Variants in DUOXA1 observed in about 807,000 individuals in gnomAD.
DUOXA1 encodes dual oxidase activator 1.
A neutral mutation model predicts 26.6 loss-of-function variants in DUOXA1; 19 were observed. The observed-to-expected ratio is 0.71, with a 90% CI of 0.50 to 1.05. DUOXA1 has a LOEUF of 1.05. Ranked by LOEUF, DUOXA1 falls within the 50% of genes least tolerant of loss-of-function variation. The pLI, the probability that DUOXA1 is intolerant of heterozygous loss-of-function variation, is 0.00. For missense variants in DUOXA1, 403 were observed against 427.5 expected, an observed-to-expected ratio of 0.94 and a Z score of 0.51; for synonymous variants, 166 against 177.0, an observed-to-expected ratio of 0.94 and a Z score of 0.49.
rs1006196356 is a variant in DUOXA1, at chr15:45,119,873, TGACAGA to T, written c.772+224_772+229del. 5.6e-5 allele frequency among the ~76,000 whole-genome samples: 8 copies of T among 141,832 alleles called. No homozygotes were observed. The East Asian group carries it at 1.0e-3, about 18-fold the overall frequency. 93.0% of individuals were successfully genotyped at this position (141,832 alleles called of 152,430 possible). A position where few individuals can be genotyped will look rare whatever the true frequency, so the allele number is the denominator to read the frequency against. On this transcript the variant is annotated intron_variant, in intron 8 of 8. Transcript: ENST00000560572. ...CAGCTGGGTGAAGAGAGTTAGGGGA[TGACAGA>T]GACAGAGAAGATACAAGGGAGTGGG...
chr15:45,126,321 C>T (rs1259805022), intron 3 of DUOXA1, among the ~76,000 whole-genome samples: 2 of 152,200 alleles, frequency 1.3e-5, no homozygotes, highest in Non-Finnish European at 2.9e-5. Context: ...AGTCTATAGC[C>T]ATACTGAATG....
At position 45,118,357 on chromosome 15, in the gene DUOXA1, T is replaced by G; in HGVS notation, c.*749A>C. On this transcript the variant is annotated 3_prime_UTR_variant, in exon 9 of 9. Transcript: ENST00000560572. ...AGGCAGGTCACCCACTCCCCCGTCC[T>G]GGATGCCACTCAGCTAGCCCAGCTG... is the stretch of plus-strand genomic sequence containing the variant. The G allele has an allele frequency of 8.7e-7, 1 of 1,147,522 alleles. No homozygotes were observed. 71.1% of individuals were successfully genotyped at this position (1,147,522 alleles called of 1,614,324 possible).
In DUOXA1 at chr15:45,118,652, C is replaced by A; in HGVS notation, c.*454G>T. ...TGTCTTTCATTGTACCAAAAGGCCA[C>A]ACAAGCTGGAGAAGTAAAGGAAGAA... On this transcript the variant is annotated 3_prime_UTR_variant, in exon 9 of 9. Transcript: ENST00000560572. 1.0e-6 allele frequency: 1 copy of A among 991,390 alleles called. No individual in the cohort carries two copies. Among genetic ancestry groups the A allele is most frequent in the Non-Finnish European group, 1.2e-6 (1 of 834,470 alleles). 61.4% of individuals were successfully genotyped at this position (991,390 alleles called of 1,614,324 possible). A position where few individuals can be genotyped will look rare whatever the true frequency, so the allele number is the denominator to read the frequency against.
intron 3 of DUOXA1, among the ~76,000 whole-genome samples, chr15:45,126,610 G>T (rs2141222399): frequency 6.6e-6 from 1 of 152,330 alleles, no homozygotes; most frequent in East Asian, 1.9e-4. Context: ...CAATTAGACT[G>T]TAATCTCCTT....
At chr15:45,121,322 C>A in intron 5 of DUOXA1, 101 bp from the exon 6 acceptor site, 1 of 1,552,048 alleles carries the variant, frequency 6.4e-7, no homozygotes, top group South Asian at 1.2e-5. Flanking sequence ...CTGTTTTGGT[C>A]ATAACTGGAT....
At position 45,118,810 on chromosome 15, in the gene DUOXA1, G is replaced by C; in HGVS notation, c.*296C>G. On this transcript the variant is annotated 3_prime_UTR_variant, in exon 9 of 9. Transcript: ENST00000560572. The stretch of plus-strand genomic sequence containing the variant: ...AGGTTTCAGTGAATAGCATCTTGAA[G>C]AGGCAAGGCAGCACGGAAAGGCTGG... 9.0e-7 allele frequency: 1 copy of C among 1,114,182 alleles called. No individual in the cohort carries two copies. Among genetic ancestry groups the C allele is most frequent in the Non-Finnish European group, 1.1e-6 (1 of 912,650 alleles). 69.0% of individuals were successfully genotyped at this position (1,114,182 alleles called of 1,614,324 possible).
rs754808103 is a variant in DUOXA1, at chr15:45,117,842, T to C, written c.*1264A>G. The C allele has an allele frequency of 1.2e-5, 20 of 1,613,594 alleles. No homozygotes were observed. In the Admixed American group the frequency reaches 1.5e-4, roughly 12 times the overall value. Reference sequence around the variant, plus strand: ...CAGGAGAGAGGGGGCTCACCTCTTATCCTCGGCGACCCACTGCACAAGCAG... The same window carrying C: ...CAGGAGAGAGGGGGCTCACCTCTTACCCTCGGCGACCCACTGCACAAGCAG... On this transcript the variant is annotated 3_prime_UTR_variant, in exon 9 of 9. Transcript: ENST00000560572.
At chr15:45,123,917 C>G (rs1895455338) in intron 3 of DUOXA1, among the ~76,000 whole-genome samples, 1 of 152,106 alleles carries the variant, frequency 6.6e-6, no homozygotes, top group South Asian at 2.1e-4. Context: ...AGTTAAATCT[C>G]AGACAGAATG....
In DUOXA1 at chr15:45,129,489, C is replaced by T; in HGVS notation, c.-176G>A. ...CGACGCAGTTCCGGGTCTGGCGGGG[C>T]GCGGGCGCGGCTCGCAGGGCGGTGG... On this transcript the variant is annotated 5_prime_UTR_variant, in exon 2 of 9. Transcript: ENST00000560572. The surrounding 1 kb of genome is among the most constrained non-coding windows in gnomAD (Gnocchi z 4.1). 6.5e-6 allele frequency: 1 copy of T among 153,572 alleles called. No homozygotes were observed. Among genetic ancestry groups the T allele is most frequent in the Non-Finnish European group, 1.5e-5 (1 of 68,792 alleles). 9.5% of individuals were successfully genotyped at this position (153,572 alleles called of 1,614,324 possible). A position where few individuals can be genotyped will look rare whatever the true frequency, so the allele number is the denominator to read the frequency against.
Position 45,120,754 on chromosome 15 carries a change from G to A in DUOXA1, c.392C>T (p.Thr131Ile). ...NETINYNEEFTWRLGENYAEE... is the reference protein window; with the variant it reads ...NETINYNEEFIWRLGENYAEE... ...AGCATAGTTCTCACCCAGGCGCCAG[G>A]TGAACTCCTCGTTGTAATTGATGGT... Residue 131 changes from threonine to isoleucine, a missense_variant, in exon 7 of 9, where the codon ACC becomes ATC. Thr to Ile is a moderately conservative substitution (Grantham distance 89). Coordinates refer to ENST00000560572, the MANE Select transcript of DUOXA1 (RefSeq NM_001276266.2). The A allele has an allele frequency of 7.4e-6, 12 of 1,614,130 alleles. No homozygotes were observed. The highest frequency in any genetic ancestry group is 1.0e-5 in the Non-Finnish European group (12 of 1,180,002).
chr15:45,120,523 G>A, intron 7 of DUOXA1, 69 bp downstream of exon 7: 1 of 1,557,338 alleles, frequency 6.4e-7, no homozygotes, highest in Non-Finnish European at 8.9e-7. Context: ...GTGGAGGAGA[G>A]ATGGGTAGAA....
intron 3 of DUOXA1, among the ~76,000 whole-genome samples, chr15:45,126,132 C>T (rs896468793): frequency 2.0e-5 from 3 of 152,210 alleles, no homozygotes; most frequent in South Asian, 2.1e-4. Context: ...TTCTGTACTG[C>T]CTCTGCCCTA....
At position 45,118,601 on chromosome 15, in the gene DUOXA1, GT is replaced by G; in HGVS notation, c.*504del. 1.0e-6 allele frequency: 1 copy of G among 990,576 alleles called. No homozygotes were observed. The highest frequency in any genetic ancestry group is 1.2e-6 in the Non-Finnish European group (1 of 833,782). The allele number at this position is 990,576 out of a possible 1,614,324, so 61.4% of individuals were successfully genotyped here. ...GTTAATGTTAGACCTAGGATGAGAA[GT>G]TTGGTTTCCCCTCCTTTCCAGTGCT... On this transcript the variant is annotated 3_prime_UTR_variant, in exon 9 of 9. Coordinates refer to ENST00000560572, the MANE Select transcript of DUOXA1 (RefSeq NM_001276266.2).
intron 3 of DUOXA1, among the ~76,000 whole-genome samples, chr15:45,123,683 G>A (rs1895433415): frequency 6.6e-6 from 1 of 152,158 alleles, no homozygotes; most frequent in Non-Finnish European, 1.5e-5. Context: ...AGCACTGAAG[G>A]GGCACCTGCC....
chr15:45,128,627 A>C (rs1895886022), intron 3 of DUOXA1, among the ~76,000 whole-genome samples: 1 of 152,172 alleles, frequency 6.6e-6, no homozygotes, highest in African/African-American at 2.4e-5. Context: ...CAAAAATAGG[A>C]GTTAAGTGGA....
rs1364955391 is a variant in DUOXA1 at position 45,120,260 on chromosome 15, A to T, written c.615T>A (p.Tyr205Ter). 6.2e-7 allele frequency: 1 copy of T among 1,614,044 alleles called. No homozygotes were observed. The highest frequency in any genetic ancestry group is 8.5e-7 in the Non-Finnish European group (1 of 1,180,014). ...CCGTGGCCAATAGCATGTAGCCACCATATACCAGCACAGGCATGGAGAGCA... is the reference window on the plus strand; with the variant it reads ...CCGTGGCCAATAGCATGTAGCCACCTTATACCAGCACAGGCATGGAGAGCA... Reference protein sequence around the residue: ...NVMLSMPVLVYGGYMLLATGI... With the variant: ...NVMLSMPVLV Residue 205 changes from tyrosine (Y) to a stop codon, truncating the protein, a stop_gained, in exon 8 of 9, where the codon TAT (tyrosine) becomes TAA (stop). Transcript: ENST00000560572. LOFTEE classifies it high-confidence loss of function.
rs2097556778 is a variant in DUOXA1 at position 45,118,373 on chromosome 15, AG to A, written c.*732del. ...CCCCCGTCCTGGATGCCACTCAGCT[AG>A]CCCAGCTGAGTGGGGTGGGAAGGAA... On this transcript the variant is annotated 3_prime_UTR_variant, in exon 9 of 9. Coordinates refer to ENST00000560572, the MANE Select transcript of DUOXA1 (RefSeq NM_001276266.2). The A allele has an allele frequency of 1.8e-6, 2 of 1,113,106 alleles. No homozygotes were observed. The highest frequency in any genetic ancestry group is 1.6e-5 in the African/African-American group (1 of 61,600). The allele number at this position is 1,113,106 out of a possible 1,614,324, so 69.0% of individuals were successfully genotyped here.
intron 3 of DUOXA1, chr15:45,128,775 G>A (rs1011595894): frequency 6.6e-6 from 1 of 152,214 alleles, no homozygotes; most frequent in Admixed American, 6.5e-5. Context: ...GCGATTCGAT[G>A]TCTATAAACC....
chr15:45,128,787 T>G (rs961979826), intron 3 of DUOXA1: 1 of 152,204 alleles, frequency 6.6e-6, no homozygotes, highest in Non-Finnish European at 1.5e-5. Context: ...CTATAAACCT[T>G]GTGGCATTTA....
Sources: gnomAD v4.1 joint callset for allele counts (sites outside exome capture counted in the v4.1 genomes callset) on GRCh38, gnomAD v4.1.1 for gene constraint, Gnocchi (gnomAD v3.1) non-coding constraint, MANE v1.5 for transcripts, NCBI Gene and HGNC (gene_info 2026-07-23, HGNC 2026-07-21) for gene names.